The following MUC17 variants were observed in gnomAD, a reference collection of about 807,000 sequenced individuals.
MUC17 encodes the protein mucin 17, cell surface associated.
A neutral mutation model predicts 170.3 loss-of-function variants in MUC17; 190 were observed. That is an observed-to-expected ratio of 1.12 (90% CI 0.99 to 1.26). The LOEUF (loss-of-function observed/expected upper bound fraction) is 1.26, where lower values mean the gene tolerates loss of function less well. MUC17 is among the 50% of genes most tolerant of loss of function. MUC17 has a pLI of 0.00. For missense variants in MUC17, 6,415 were observed against 5,530.0 expected, an observed-to-expected ratio of 1.16 and a Z score of -5.08; for synonymous variants, 2,325 against 2,002.5, an observed-to-expected ratio of 1.16 and a Z score of -4.30.
chr7:101,028,163 C>T (rs1410904528), intron 1 of MUC17, among the ~76,000 whole-genome samples: 2 of 149,706 alleles, frequency 1.3e-5, no homozygotes, highest in Admixed American at 1.3e-4. Flanking sequence ...ACGATCTTGG[C>T]TCACTGCAAC....
Position 101,035,134 on chromosome 7 carries a change from T to C in MUC17, c.3718T>C (p.Ser1240Pro), listed in dbSNP as rs781657274. ...PVASSEASTL[S>P]TSPVDTSTPV... Reference sequence around the variant, plus strand: ...GGCCAGTTCTGAGGCTAGCACCCTTTCAACATCTCCCGTTGACACCAGCAC... The same window carrying C: ...GGCCAGTTCTGAGGCTAGCACCCTTCCAACATCTCCCGTTGACACCAGCAC... The change falls in exon 3 of 13, where the codon TCA becomes CCA. Residue 1240 changes from serine to proline, a missense_variant. By Grantham distance (74) the Ser-to-Pro change is moderately conservative. Coordinates refer to ENST00000306151, the MANE Select transcript of MUC17 (RefSeq NM_001040105.2). 3.7e-6 allele frequency: 6 copies of C among 1,610,900 alleles called. No individual in the cohort carries two copies. The highest frequency in any genetic ancestry group is 1.3e-5 in the African/African-American group (1 of 74,728).
Position 101,058,123 on chromosome 7 carries a change from T to TC in MUC17, c.*79_*80insC. 2.3e-6 allele frequency: 3 copies of TC among 1,289,150 alleles called. No homozygotes were observed. The highest frequency in any genetic ancestry group is 3.4e-6 in the Non-Finnish European group (3 of 887,162). The allele number at this position is 1,289,150 out of a possible 1,614,324, so 79.9% of individuals were successfully genotyped here. ...GTGGAGCATTTTCCCATTGAGAGCC[T>TC]TCCATGGGAACTCAATGTTCCCATT... On this transcript the variant is annotated 3_prime_UTR_variant, in exon 13 of 13. Coordinates refer to ENST00000306151, the MANE Select transcript of MUC17 (RefSeq NM_001040105.2).
chr7:101,040,231 C>T lies in MUC17; in HGVS notation c.8815C>T (p.Pro2939Ser). ...AACAAGTATACTTGTCAGCACCGTG[C>T]CAGTGGCCGGTTCTGAGGCTAGCAC... is the stretch of plus-strand genomic sequence containing the variant. ...PLTSILVSTV[P>S]VAGSEASTLS... is the part of the protein sequence containing the mutation. Residue 2939 changes from proline (P) to serine (S), a missense_variant, in exon 3 of 13, where the codon CCA (proline) becomes TCA (serine). Coordinates refer to ENST00000306151, the MANE Select transcript of MUC17 (RefSeq NM_001040105.2). 1 of 1,611,976 alleles carries T rather than the reference C, an allele frequency of 6.2e-7. No individual in the cohort carries two copies. The highest frequency in any genetic ancestry group is 8.5e-7 in the Non-Finnish European group (1 of 1,179,186).
chr7:101,040,929 C>T lies in MUC17; in HGVS notation c.9513C>T (p.Val3171=). The change falls in exon 3 of 13, where the codon GTC becomes GTT. Residue 3171 remains valine, a synonymous_variant. Transcript: ENST00000306151. ...EGSTPLTYMP[V]STMLVVSSED... ...GTACTCCATTAACATATATGCCTGT[C>T]AGCACCATGCTGGTAGTCAGTTCTG... 6.2e-7 allele frequency: 1 copy of T among 1,613,756 alleles called. No homozygotes were observed. Among genetic ancestry groups the T allele is most frequent in the Non-Finnish European group, 8.5e-7 (1 of 1,179,912 alleles).
At position 101,033,899 on chromosome 7, in the gene MUC17, C is replaced by A. The variant is rs757285871; in HGVS notation, c.2483C>A (p.Thr828Lys). 6.2e-6 allele frequency: 10 copies of A among 1,613,556 alleles called. No homozygotes were observed. The East Asian group carries it at 2.2e-4, about 36-fold the overall frequency. Residue 828 changes from threonine (T) to lysine (K), a missense_variant, in exon 3 of 13, where the codon ACA becomes AAA. Physicochemically the swap from Thr to Lys is moderately conservative, Grantham distance 78. Coordinates refer to ENST00000306151, the MANE Select transcript of MUC17 (RefSeq NM_001040105.2). The stretch of plus-strand genomic sequence containing the variant: ...AGTCCTGAGGCTAGCACCCTTTCAA[C>A]AACTCCTGTTGACTCCAACAGTCCT... ...VTSPEASTLS[T>K]TPVDSNSPVT...
At chr7:101,022,092 C>A (rs913538866) in intron 1 of MUC17, among the ~76,000 whole-genome samples, 1 of 152,150 alleles carries the variant, frequency 6.6e-6, no homozygotes, top group African/African-American at 2.4e-5. Context: ...GCCCTCCCCC[C>A]ATCCCTGTCT....
intron 1 of MUC17, among the ~76,000 whole-genome samples, chr7:101,030,218 T>C (rs1794253265): frequency 6.7e-6 from 1 of 149,918 alleles, no homozygotes; most frequent in Non-Finnish European, 1.5e-5. Flanking sequence ...CAAATAGCAA[T>C]TACAATGTTG....
chr7:101,052,140 T>C (rs1008553660), intron 9 of MUC17, among the ~76,000 whole-genome samples, 178 bp downstream of exon 9: 5 of 152,200 alleles, frequency 3.3e-5, no homozygotes, highest in Admixed American at 1.3e-4. Context: ...ACATGAGTAG[T>C]TGAGCTCCAA....
At chr7:101,050,691 CTT>C in intron 7 of MUC17, 56 bp downstream of exon 7, 1 of 1,581,066 alleles carries the variant, frequency 6.3e-7, no homozygotes, top group South Asian at 1.2e-5. Context: ...TGGGGCATGA[CTT>C]TCTTAATAGA....
chr7:101,049,587 G>T (rs1032214176), intron 6 of MUC17, among the ~76,000 whole-genome samples: 1 of 152,122 alleles, frequency 6.6e-6, no homozygotes, highest in African/African-American at 2.4e-5. Flanking sequence ...GGTGGGTGTG[G>T]TTTCTCTGGA....
chr7:101,044,671 T>C (rs1221296231), intron 3 of MUC17, among the ~76,000 whole-genome samples: 1 of 152,234 alleles, frequency 6.6e-6, no homozygotes, highest in Non-Finnish European at 1.5e-5. Context: ...CTCTATTCCA[T>C]TGCACTTTGT....
At chr7:101,048,744 C>CT (rs1380906795) in intron 4 of MUC17, 101 bp from the exon 5 acceptor site, 152 of 1,324,194 alleles carry the variant, frequency 1.1e-4, no homozygotes, top group Non-Finnish European at 1.5e-4. Context: ...AAAATTTTAC[C>CT]ATAAAATACA....
chr7:101,048,251 T>A, intron 4 of MUC17, 136 bp downstream of exon 4: 1 of 851,072 alleles, frequency 1.2e-6, no homozygotes, highest in Non-Finnish European at 1.6e-6. Context: ...TGTTTTGTTT[T>A]GTTTTGTTTT....
chr7:101,020,934 A>G (rs1584852803), intron 1 of MUC17, among the ~76,000 whole-genome samples: 1 of 151,860 alleles, frequency 6.6e-6, no homozygotes, highest in African/African-American at 2.4e-5. Flanking sequence ...TCTGCCCCTC[A>G]CCTGCCCCCA....
rs1794606019 is a variant in MUC17, at chr7:101,039,311, G to A, written c.7895G>A (p.Ser2632Asn). The A allele has an allele frequency of 1.2e-6, 2 of 1,612,978 alleles. No individual in the cohort carries two copies. The highest frequency in any genetic ancestry group is 2.2e-5 in the East Asian group (1 of 44,808). The part of the protein sequence containing the change: ...SMPISTPSEV[S>N]TSLTSILVST... ...CCAATCTCAACTCCTAGTGAAGTAA[G>A]TACTTCATTAACAAGTATACTTGTC... Residue 2632 changes from serine (S) to asparagine (N), a missense_variant, in exon 3 of 13, where the codon AGT becomes AAT. Transcript: ENST00000306151.
chr7:101,048,043 G>A lies in MUC17; in HGVS notation c.12463G>A (p.Gly4155Arg). The part of the protein sequence containing the change: ...SRCKNGGTWD[G>R]LKCQCPNLYY... ...CTGCAAGAATGGAGGCACCTGGGAT[G>A]GGCTCAAGTGCCAGTGTCCCAACCT... Residue 4155 changes from glycine (G) to arginine (R), a missense_variant, in exon 4 of 13, where the codon GGG becomes AGG. By Grantham distance (125) the Gly-to-Arg change is moderately radical. Coordinates refer to ENST00000306151, the MANE Select transcript of MUC17 (RefSeq NM_001040105.2). The A allele has an allele frequency of 6.2e-7, 1 of 1,608,394 alleles. No homozygotes were observed. Among genetic ancestry groups the A allele is most frequent in the South Asian group, 1.1e-5 (1 of 90,112 alleles).
In MUC17 at chr7:101,041,477, G is replaced by A; in HGVS notation, c.10061G>A (p.Ser3354Asn). 6.2e-7 allele frequency: 1 copy of A among 1,613,996 alleles called. No homozygotes were observed. The highest frequency in any genetic ancestry group is 8.5e-7 in the Non-Finnish European group (1 of 1,180,008). Residue 3354 changes from serine to asparagine, a missense_variant, in exon 3 of 13, where the codon AGT (serine) becomes AAT (asparagine). Coordinates refer to ENST00000306151, the MANE Select transcript of MUC17 (RefSeq NM_001040105.2). ...NMSFSTTPVV[S>N]SEASTLSTTP... ...TCTTTCAGCACCACGCCAGTGGTCAGTTCTGAGGCTAGCACCCTTTCCACA... is the reference window on the plus strand; with the variant it reads ...TCTTTCAGCACCACGCCAGTGGTCAATTCTGAGGCTAGCACCCTTTCCACA...
Position 101,041,049 on chromosome 7 carries a change from C to A in MUC17, c.9633C>A (p.Ser3211Arg), listed in dbSNP as rs1380755315. ...CATCTACAACTGCTGAAGGTACCAGCATTCCAACCTCAACTCCTAGTGAAG... is the reference window on the plus strand; with the variant it reads ...CATCTACAACTGCTGAAGGTACCAGAATTCCAACCTCAACTCCTAGTGAAG... ...ATSSTTAEGT[S>R]IPTSTPSEGM... Residue 3211 changes from serine to arginine, a missense_variant, in exon 3 of 13, where the codon AGC becomes AGA. Transcript: ENST00000306151. 6.2e-7 allele frequency: 1 copy of A among 1,613,768 alleles called. No individual in the cohort carries two copies. Among genetic ancestry groups the A allele is most frequent in the African/African-American group, 1.3e-5 (1 of 74,820 alleles).
intron 1 of MUC17, among the ~76,000 whole-genome samples, chr7:101,025,993 GA>G (rs1173123128): frequency 6.6e-6 from 1 of 152,146 alleles, no homozygotes; most frequent in African/African-American, 2.4e-5. Context: ...AGCAGTTATG[GA>G]GGAGCCCACA....
Sources: allele counts gnomAD v4.1 joint callset (sites outside exome capture counted in the v4.1 genomes callset), GRCh38; gene constraint gnomAD v4.1.1; transcripts MANE v1.5; gene names NCBI Gene and HGNC (gene_info 2026-07-23, HGNC 2026-07-21).